NHEJ1: variants seen among roughly 807,000 people sequenced by gnomAD.
The protein encoded by NHEJ1 is non-homologous end joining factor 1.
A neutral mutation model predicts 39.4 loss-of-function variants in NHEJ1; 22 were observed. The ratio of observed to expected loss-of-function variants is 0.56; its 90% CI spans 0.40 to 0.80. The LOEUF (loss-of-function observed/expected upper bound fraction) is 0.80, where lower values mean the gene tolerates loss of function less well. Among genes scored for constraint, NHEJ1 ranks in the 30% least tolerant of loss-of-function variants. The pLI is 0.00. For missense variants in NHEJ1, 329 were observed against 357.1 expected (o/e 0.92, Z 0.63); for synonymous variants, 154 against 135.6 (o/e 1.14, Z -0.94).
intron 5 of NHEJ1, among the ~76,000 whole-genome samples, chr2:219,139,323 G>T (rs1949668107): frequency 6.6e-6 from 1 of 152,048 alleles, no homozygotes; most frequent in South Asian, 2.1e-4. Flanking sequence ...CTTAACCTCA[G>T]GTGATCTGCC....
At chr2:219,078,287 A>T in intron 5 of NHEJ1, 81 bp from the exon 6 acceptor site, 1 of 1,167,992 alleles carries the variant, frequency 8.6e-7, no homozygotes, top group Non-Finnish European at 1.3e-6. Context: ...CAGAACCGGC[A>T]TCAACCCCAA....
intron 5 of NHEJ1, among the ~76,000 whole-genome samples, chr2:219,134,645 A>G (rs538953684): frequency 1.3e-5 from 2 of 152,296 alleles, no homozygotes; most frequent in South Asian, 4.1e-4. Context: ...GAAGATTCTC[A>G]AATCTATTTT....
chr2:219,110,977 T>C (rs1048547719), intron 5 of NHEJ1, among the ~76,000 whole-genome samples: 2 of 152,132 alleles, frequency 1.3e-5, no homozygotes, highest in African/African-American at 4.8e-5. Context: ...CTTAAATAGC[T>C]TGGTGAAAAG....
rs550633810 is a variant in NHEJ1, at chr2:219,072,458, C to A, written c.*3923G>T. ...CAGTATGTCACTTATTCCTTTCTAA[C>A]AGTTTTTTCTTCAAGAAAAATTAGA... On this transcript the variant is annotated 3_prime_UTR_variant, in exon 8 of 8. Transcript: ENST00000356853. Among the ~76,000 whole-genome samples the A allele has an allele frequency of 1.3e-5, 2 of 152,314 alleles. No homozygotes were observed. The highest frequency in any genetic ancestry group is 2.4e-5 in the African/African-American group (1 of 41,572).
chr2:219,070,699 C>A lies in NHEJ1; in HGVS notation c.*5682G>T, dbSNP rs369935061. 6.6e-6 allele frequency among the ~76,000 whole-genome samples: 1 copy of A among 150,938 alleles called. No homozygotes were observed. The highest frequency in any genetic ancestry group is 1.9e-4 in the East Asian group (1 of 5,132). ...TTTTCTTTCTTTTTTTTTTTTAATT[C>A]AAAATACCATTGTACAGCTTATCCT... On this transcript the variant is annotated 3_prime_UTR_variant, in exon 8 of 8. Transcript: ENST00000356853.
intron 5 of NHEJ1, among the ~76,000 whole-genome samples, chr2:219,119,126 T>C (rs1949446537): frequency 6.6e-6 from 1 of 151,988 alleles, no homozygotes; most frequent in Non-Finnish European, 1.5e-5. Context: ...CATGCCTCAC[T>C]CCCTTAACCC....
At chr2:219,126,512 C>G (rs925349651) in intron 5 of NHEJ1, among the ~76,000 whole-genome samples, 1 of 152,200 alleles carries the variant, frequency 6.6e-6, no homozygotes, top group Non-Finnish European at 1.5e-5. Flanking sequence ...GCTCATTTTA[C>G]CAGGCAGTTA....
At chr2:219,077,796 T>A (rs957903649) in intron 6 of NHEJ1, among the ~76,000 whole-genome samples, 1 of 152,124 alleles carries the variant, frequency 6.6e-6, no homozygotes, top group Admixed American at 6.5e-5. Flanking sequence ...ATCTTTCTCC[T>A]GGTTCTTTTG....
intron 5 of NHEJ1, among the ~76,000 whole-genome samples, chr2:219,107,929 A>G (rs1949328671): frequency 6.6e-6 from 1 of 151,838 alleles, no homozygotes; most frequent in African/African-American, 2.4e-5. Context: ...ACAAATGGTT[A>G]ACAGAGAAAA....
At chr2:219,138,421 T>G (rs1303515310) in intron 5 of NHEJ1, among the ~76,000 whole-genome samples, 3 of 152,224 alleles carry the variant, frequency 2.0e-5, no homozygotes, top group African/African-American at 4.8e-5. Context: ...TATTTACATG[T>G]AAGGCTGCCT....
chr2:219,107,679 A>C (rs1949326531), intron 5 of NHEJ1, among the ~76,000 whole-genome samples: 2 of 152,108 alleles, frequency 1.3e-5, no homozygotes, highest in Admixed American at 6.5e-5. Context: ...ACCATACCTT[A>C]AATTAGTGGC....
chr2:219,070,166 G>A lies in NHEJ1; in HGVS notation c.*6215C>T, dbSNP rs148120811. On this transcript the variant is annotated 3_prime_UTR_variant, in exon 8 of 8. Transcript: ENST00000356853. ...CTCCGGAGTACCTGGGACTACAGGC[G>A]CACATCACCACACTAATTTTTTTTT... Among the ~76,000 whole-genome samples, 28 of 152,154 alleles carry A rather than the reference G, an allele frequency of 1.8e-4. No individual in the cohort carries two copies. Among genetic ancestry groups the A allele is most frequent in the African/African-American group, 5.8e-4 (24 of 41,508 alleles).
chr2:219,096,673 G>C (rs775055994), intron 5 of NHEJ1, among the ~76,000 whole-genome samples: 1 of 152,164 alleles, frequency 6.6e-6, no homozygotes, highest in Non-Finnish European at 1.5e-5. Context: ...GACAGTATGG[G>C]AATTAGCCTA....
At chr2:219,152,837 G>A (rs1350325009) in intron 3 of NHEJ1, among the ~76,000 whole-genome samples, 1 of 123,848 alleles carries the variant, frequency 8.1e-6, no homozygotes, top group Admixed American at 9.6e-5. Context: ...AGAGAGTCTC[G>A]CTGTAGCCAG....
chr2:219,146,866 T>A (rs994680212), intron 4 of NHEJ1, 128 bp from the exon 5 acceptor site: 2 of 737,584 alleles, frequency 2.7e-6, no homozygotes, highest in African/African-American at 3.5e-5. Flanking sequence ...AGACACCTAG[T>A]TCAGTGGGAG....
At chr2:219,107,877 CA>C (rs1949328373) in intron 5 of NHEJ1, among the ~76,000 whole-genome samples, 2 of 152,084 alleles carry the variant, frequency 1.3e-5, no homozygotes, top group Non-Finnish European at 2.9e-5. Context: ...CTTACAGCCC[CA>C]CCCTCCTCCC....
chr2:219,094,304 T>A (rs1949186741), intron 5 of NHEJ1, among the ~76,000 whole-genome samples: 1 of 152,048 alleles, frequency 6.6e-6, no homozygotes, highest in South Asian at 2.1e-4. Flanking sequence ...AACTGGAAAT[T>A]AAGATATACT....
Position 219,159,578 on chromosome 2 carries a change from TATATATATGC to T in NHEJ1, c.-1+1132_-1+1141del, listed in dbSNP as rs1292513962. ...ATATATATATGCATATATATATGCA[TATATATATGC>T]ATATATATATATGCATATATATACA... On this transcript the variant is annotated intron_variant, in intron 1 of 7. Coordinates refer to ENST00000356853, the MANE Select transcript of NHEJ1 (RefSeq NM_024782.3). 4.4e-3 allele frequency among the ~76,000 whole-genome samples: 246 copies of T among 56,318 alleles called. 9 individuals carry two copies. The highest frequency in any genetic ancestry group is 0.018 in the African/African-American group (231 of 13,136). The allele number at this position is 56,318 out of a possible 152,430, so 36.9% of individuals were successfully genotyped here.
At chr2:219,155,977 C>T (rs1474120700) in intron 3 of NHEJ1, among the ~76,000 whole-genome samples, 8 of 150,074 alleles carry the variant, frequency 5.3e-5, no homozygotes, top group Admixed American at 6.7e-5. Flanking sequence ...AGGCCGGGTG[C>T]GGTGGCTCAC....
Sources: gnomAD v4.1 joint callset for allele counts (sites outside exome capture counted in the v4.1 genomes callset) on GRCh38, gnomAD v4.1.1 for gene constraint, MANE v1.5 for transcripts, NCBI Gene and HGNC (gene_info 2026-07-23, HGNC 2026-07-21) for gene names.